LRSAM1: variants seen among roughly 807,000 people sequenced by gnomAD.
LRSAM1 encodes the protein leucine rich repeat and sterile alpha motif containing 1.
In LRSAM1, 96 loss-of-function variants were observed where a neutral mutation model predicts 118.1. The observed-to-expected ratio is 0.81, with a 90% CI of 0.69 to 0.96. The LOEUF is 0.96. Ranked by LOEUF, LRSAM1 falls within the 40% of genes least tolerant of loss-of-function variation. LRSAM1 has a pLI of 0.00. For missense variants in LRSAM1, 804 were observed against 915.5 expected, an observed-to-expected ratio of 0.88 and a Z score of 1.57; for synonymous variants, 322 against 364.2, an observed-to-expected ratio of 0.88 and a Z score of 1.32.
At chr9:127,500,903 A>C in intron 24 of LRSAM1, 107 bp from the exon 25 acceptor site, 1 of 1,506,774 alleles carries the variant, frequency 6.6e-7, no homozygotes. Flanking sequence ...AGGCTCCCCC[A>C]CCCTCCAGCT....
chr9:127,480,534 C>T (rs544184871), intron 14 of LRSAM1, among the ~76,000 whole-genome samples: 1 of 152,292 alleles, frequency 6.6e-6, no homozygotes, highest in African/African-American at 2.4e-5. Flanking sequence ...TTTTTTCTAA[C>T]CCTGAATCAC....
chr9:127,464,053 C>T (rs756043795), intron 9 of LRSAM1, among the ~76,000 whole-genome samples: 56 of 152,232 alleles, frequency 3.7e-4, no homozygotes, highest in Admixed American at 1.3e-4. Context: ...GGGACTTCTC[C>T]ATTCATGGTG....
At chr9:127,478,473 T>C (rs780101859) in intron 11 of LRSAM1, among the ~76,000 whole-genome samples, 2 of 152,234 alleles carry the variant, frequency 1.3e-5, no homozygotes, top group Non-Finnish European at 2.9e-5. Flanking sequence ...CAGATGTTGA[T>C]AGATGTATGA....
At chr9:127,489,636 C>T (rs1411740314) in intron 19 of LRSAM1, 118 bp downstream of exon 19, 11 of 1,139,340 alleles carry the variant, frequency 9.7e-6, no homozygotes, top group Non-Finnish European at 1.4e-5. Context: ...CTTGCTAGCC[C>T]AACAAGAGGT....
At chr9:127,458,255 G>T (rs947163815) in intron 6 of LRSAM1, among the ~76,000 whole-genome samples, 1 of 152,032 alleles carries the variant, frequency 6.6e-6, no homozygotes, top group Admixed American at 6.5e-5. Context: ...GGTGGCGGGC[G>T]CCTGTAGTCC....
intron 11 of LRSAM1, among the ~76,000 whole-genome samples, chr9:127,475,493 TCAAACAAA>T (rs145876315): frequency 5.3e-5 from 8 of 151,696 alleles, no homozygotes; most frequent in Non-Finnish European, 1.2e-4. Context: ...AGACTCCATC[TCAAACAAA>T]CAAACAAACA....
At chr9:127,496,282 A>G (rs1836141879) in intron 23 of LRSAM1, among the ~76,000 whole-genome samples, 187 bp downstream of exon 23, 1 of 152,244 alleles carries the variant, frequency 6.6e-6, no homozygotes, top group Non-Finnish European at 1.5e-5. Context: ...TGTGCCCTGC[A>G]CACTGTCTCA....
chr9:127,497,398 GA>G (rs1266127539), intron 24 of LRSAM1, 64 bp downstream of exon 24: 62 of 1,499,868 alleles, frequency 4.1e-5, no homozygotes, highest in Non-Finnish European at 5.4e-5. Flanking sequence ...CTCTGGTGGG[GA>G]CAGTCATTTG....
chr9:127,472,822 C>T (rs1835222669), intron 10 of LRSAM1, among the ~76,000 whole-genome samples: 1 of 152,120 alleles, frequency 6.6e-6, no homozygotes, highest in Non-Finnish European at 1.5e-5. Context: ...GTGGTGGCAC[C>T]TGTAGCTTCG....
intron 4 of LRSAM1, 65 bp downstream of exon 4, chr9:127,455,119 T>C: frequency 6.6e-7 from 1 of 1,522,546 alleles, no homozygotes; most frequent in Non-Finnish European, 9.1e-7. Flanking sequence ...CTTGTGTCCC[T>C]AGGAAAGACA....
Position 127,479,520 on chromosome 9 carries a change from T to G in LRSAM1, c.903+15T>G. ...CGGTCAAGGAGGTTTGTGAGCCGCC[T>G]GCTAGGGTCCAGCCTGGCTGCATCC... is the stretch of plus-strand genomic sequence containing the variant. On this transcript the variant is annotated intron_variant, in intron 13 of 25. Transcript: ENST00000300417. 4 of 1,613,312 alleles carry G rather than the reference T, an allele frequency of 2.5e-6. No homozygotes were observed. The highest frequency in any genetic ancestry group is 3.4e-6 in the Non-Finnish European group (4 of 1,179,824).
intron 5 of LRSAM1, among the ~76,000 whole-genome samples, chr9:127,456,446 G>A (rs1249283171): frequency 6.6e-6 from 1 of 152,104 alleles, no homozygotes; most frequent in Non-Finnish European, 1.5e-5. Context: ...GGCCAGGCTG[G>A]TCTCGAACTC....
intron 6 of LRSAM1, among the ~76,000 whole-genome samples, chr9:127,458,423 A>G (rs576186580): frequency 1.3e-5 from 2 of 151,902 alleles, no homozygotes; most frequent in South Asian, 4.2e-4. Context: ...ACAAAACAAA[A>G]AAAAACACCA....
chr9:127,457,901 T>C (rs1175175211), intron 6 of LRSAM1, among the ~76,000 whole-genome samples: 1 of 151,904 alleles, frequency 6.6e-6, no homozygotes, highest in Non-Finnish European at 1.5e-5. Context: ...CAATCTGTTA[T>C]ACTATATTGT....
At position 127,479,379 on chromosome 9, in the gene LRSAM1, G is replaced by T; in HGVS notation, c.781-4G>T. On this transcript the variant is annotated splice_region_variant and splice_polypyrimidine_tract_variant and intron_variant, in intron 12 of 25. Coordinates refer to ENST00000300417, the MANE Select transcript of LRSAM1 (RefSeq NM_001005373.4). ...TGACAGTCACCAGGATCTGTGTCTTGCAGGAACAGAAGATGCTGGAGAAAC... is the reference window on the plus strand; with the variant it reads ...TGACAGTCACCAGGATCTGTGTCTTTCAGGAACAGAAGATGCTGGAGAAAC... 1 of 1,614,178 alleles carries T rather than the reference G, an allele frequency of 6.2e-7. No homozygotes were observed. Among genetic ancestry groups the T allele is most frequent in the Non-Finnish European group, 8.5e-7 (1 of 1,180,032 alleles).
Position 127,496,109 on chromosome 9 carries a change from G to T in LRSAM1, c.1830+14G>T. The T allele has an allele frequency of 6.2e-7, 1 of 1,606,724 alleles. No individual in the cohort carries two copies. ...GACCTGGCCAAGGTGGGCAGCAGCC[G>T]TCTGCATGGAGGGGAGGGGCACGCA... On this transcript the variant is annotated intron_variant, in intron 23 of 25. Transcript: ENST00000300417.
intron 14 of LRSAM1, 77 bp from the exon 15 acceptor site, chr9:127,481,106 C>T (rs1835519535): frequency 2.6e-6 from 4 of 1,535,862 alleles, no homozygotes; most frequent in Non-Finnish European, 1.8e-6. Context: ...TCCTAAGCCC[C>T]TCTGCACAGC....
chr9:127,495,294 A>T, intron 21 of LRSAM1, 26 bp from the exon 22 acceptor site: 1 of 1,605,608 alleles, frequency 6.2e-7, no homozygotes, highest in Non-Finnish European at 8.5e-7. Context: ...TTTTGTGACT[A>T]ACATTGCCTG....
At chr9:127,457,785 G>A (rs1009635371) in intron 6 of LRSAM1, among the ~76,000 whole-genome samples, 16 of 152,150 alleles carry the variant, frequency 1.1e-4, no homozygotes, top group African/African-American at 3.1e-4. Context: ...CACAACATGT[G>A]GGAGGTGTGA....
Sources: gnomAD v4.1 joint callset for allele counts (sites outside exome capture counted in the v4.1 genomes callset) on GRCh38, gnomAD v4.1.1 for gene constraint, MANE v1.5 for transcripts, NCBI Gene and HGNC (gene_info 2026-07-23, HGNC 2026-07-21) for gene names.